The following FSTL5 variants were observed in gnomAD, a reference collection of about 807,000 sequenced individuals.
The protein encoded by FSTL5 is follistatin like 5.
FSTL5 carries 62 observed loss-of-function variants against 89.1 expected under a neutral mutation model. The ratio of observed to expected loss-of-function variants is 0.70; its 90% CI spans 0.57 to 0.86. The LOEUF (loss-of-function observed/expected upper bound fraction) is 0.86. Ranked by LOEUF, FSTL5 falls within the 40% of genes least tolerant of loss-of-function variation. The pLI, the probability that FSTL5 is intolerant of heterozygous loss-of-function variation, is 0.00. For synonymous variants in FSTL5, 383 were observed against 346.2 expected, an observed-to-expected ratio of 1.11 and a Z score of -1.18; for missense variants, 1,057 against 1,001.6, an observed-to-expected ratio of 1.06 and a Z score of -0.75.
At chr4:161,893,702 G>A (rs1280962171) in intron 4 of FSTL5, among the ~76,000 whole-genome samples, 1 of 152,156 alleles carries the variant, frequency 6.6e-6, no homozygotes, top group Admixed American at 6.5e-5. Context: ...TTCCTAAATA[G>A]CTATATAAGG....
At chr4:161,464,090 A>C (rs10517745) in intron 13 of FSTL5, among the ~76,000 whole-genome samples, 8,206 of 152,206 alleles carry the variant, frequency 0.054, 612 homozygotes, top group African/African-American at 0.17. Flanking sequence ...TGGGTTTTAC[A>C]AAATACCGGC....
chr4:161,834,140 G>C (rs1011855058), intron 4 of FSTL5, among the ~76,000 whole-genome samples: 12 of 152,010 alleles, frequency 7.9e-5, no homozygotes, highest in African/African-American at 2.9e-4. Context: ...ATGCAAGGCT[G>C]GTTCAATATA....
chr4:161,724,252 T>G (rs1739316964), intron 6 of FSTL5, among the ~76,000 whole-genome samples: 1 of 152,114 alleles, frequency 6.6e-6, no homozygotes, highest in African/African-American at 2.4e-5. Context: ...TCTTAAATAT[T>G]ACTCCTGCTC....
At chr4:161,432,227 C>T (rs562693039) in intron 15 of FSTL5, among the ~76,000 whole-genome samples, 87 of 151,996 alleles carry the variant, frequency 5.7e-4, no homozygotes, top group Non-Finnish European at 1.0e-3. Context: ...AGTCTTAAAA[C>T]GTTAAAAAAC....
At chr4:162,028,346 G>A (rs1449067397) in intron 3 of FSTL5, among the ~76,000 whole-genome samples, 1 of 152,128 alleles carries the variant, frequency 6.6e-6, no homozygotes, top group Non-Finnish European at 1.5e-5. Context: ...GGAAGGTGAG[G>A]AGAGCAGATC....
At chr4:161,513,802 A>G (rs1346072803) in intron 10 of FSTL5, among the ~76,000 whole-genome samples, 1 of 152,170 alleles carries the variant, frequency 6.6e-6, no homozygotes, top group Non-Finnish European at 1.5e-5. Flanking sequence ...AAACACGGAA[A>G]CATGAAAGAG....
chr4:161,969,610 A>G (rs1045089566), intron 3 of FSTL5, among the ~76,000 whole-genome samples: 3 of 152,190 alleles, frequency 2.0e-5, no homozygotes, highest in African/African-American at 7.2e-5. Flanking sequence ...ATACTAAAAC[A>G]AAAACGAACT....
At chr4:161,948,980 T>C (rs1734815576) in intron 3 of FSTL5, among the ~76,000 whole-genome samples, 1 of 152,106 alleles carries the variant, frequency 6.6e-6, no homozygotes, top group African/African-American at 2.4e-5. Flanking sequence ...ACACATTTAC[T>C]CTCCTACAGC....
chr4:161,523,873 AC>A (rs1393883574), intron 10 of FSTL5, among the ~76,000 whole-genome samples: 1 of 152,200 alleles, frequency 6.6e-6, no homozygotes, highest in Non-Finnish European at 1.5e-5. Context: ...CAGGATAAAA[AC>A]TAAATAATTA....
chr4:161,821,495 G>C (rs1202564470), intron 4 of FSTL5, among the ~76,000 whole-genome samples: 1 of 151,978 alleles, frequency 6.6e-6, no homozygotes, highest in Non-Finnish European at 1.5e-5. Flanking sequence ...AAGTTCTTTA[G>C]TGAGATTTTG....
chr4:161,884,528 A>T (rs1484094480), intron 4 of FSTL5, among the ~76,000 whole-genome samples: 2 of 152,206 alleles, frequency 1.3e-5, no homozygotes, highest in Non-Finnish European at 2.9e-5. Context: ...CACACAAAAA[A>T]ATCTGCAAAA....
intron 3 of FSTL5, among the ~76,000 whole-genome samples, chr4:161,943,714 C>A (rs187488772): frequency 0.016 from 2,491 of 151,538 alleles, 71 homozygotes; most frequent in African/African-American, 0.057. Flanking sequence ...CACCACCATG[C>A]CCGGCTAATT....
chr4:161,788,714 C>T (rs1177449282), intron 4 of FSTL5, among the ~76,000 whole-genome samples: 2 of 152,016 alleles, frequency 1.3e-5, no homozygotes, highest in South Asian at 2.1e-4. Context: ...TGTGAGACCC[C>T]GCCCCTGTCT....
intron 1 of FSTL5, among the ~76,000 whole-genome samples, chr4:162,120,631 T>A (rs1173537934): frequency 1.3e-5 from 2 of 152,064 alleles, no homozygotes; most frequent in Non-Finnish European, 2.9e-5. Context: ...TTGAATTGAC[T>A]GTGAAGTGAG....
chr4:161,404,520 C>A (rs1460542768), intron 15 of FSTL5, among the ~76,000 whole-genome samples: 1 of 152,116 alleles, frequency 6.6e-6, no homozygotes, highest in Admixed American at 6.5e-5. Flanking sequence ...AATGCCTCAA[C>A]ATAGGGCCAA....
chr4:161,758,553 C>G (rs1338531683), intron 6 of FSTL5, among the ~76,000 whole-genome samples: 1 of 152,126 alleles, frequency 6.6e-6, no homozygotes, highest in African/African-American at 2.4e-5. Flanking sequence ...GAGTCTTGCT[C>G]TGTCACCCAG....
At chr4:161,763,743 T>G (rs1204260206) in intron 5 of FSTL5, among the ~76,000 whole-genome samples, 1 of 152,180 alleles carries the variant, frequency 6.6e-6, no homozygotes, top group Non-Finnish European at 1.5e-5. Context: ...ATATGCTCAG[T>G]GCCCAGTGCT....
Position 161,562,314 on chromosome 4 carries a change from A to G in FSTL5, c.1016-19621T>C, listed in dbSNP as rs1268093835. On this transcript the variant is annotated intron_variant, in intron 8 of 15. Coordinates refer to ENST00000306100, the MANE Select transcript of FSTL5 (RefSeq NM_020116.5). ...CGCAGGATGATTTTGACAATTCCAG[A>G]TCCTTTGAATTTCCTCATAAATTTT... is the stretch of plus-strand genomic sequence containing the variant. Among the ~76,000 whole-genome samples the G allele has an allele frequency of 2.0e-5, 3 of 152,052 alleles. No individual in the cohort carries two copies. In the East Asian group the frequency reaches 5.8e-4, roughly 30 times the overall value.
chr4:162,059,281 T>C (rs1738648145), intron 2 of FSTL5, among the ~76,000 whole-genome samples: 1 of 152,208 alleles, frequency 6.6e-6, no homozygotes, highest in Admixed American at 6.5e-5. Flanking sequence ...TACCAATTGA[T>C]AGTCAAAAAT....
Sources: gnomAD v4.1 joint callset for allele counts (sites outside exome capture counted in the v4.1 genomes callset) on GRCh38, gnomAD v4.1.1 for gene constraint, MANE v1.5 for transcripts, NCBI Gene and HGNC (gene_info 2026-07-23, HGNC 2026-07-21) for gene names.